Variants in ABR observed in about 807,000 individuals in gnomAD.
ABR encodes the protein active breakpoint cluster region-related protein.
In ABR, 35 loss-of-function variants were observed where a neutral mutation model predicts 107.2. That is an observed-to-expected ratio of 0.33 (90% CI 0.25 to 0.43). ABR has a LOEUF of 0.43. Among genes scored for constraint, ABR ranks in the 20% least tolerant of loss-of-function variants. The pLI, the probability that ABR is intolerant of heterozygous loss-of-function variation, is 1.00. For synonymous variants in ABR, 498 were observed against 462.0 expected, an observed-to-expected ratio of 1.08 and a Z score of -1.00; for missense variants, 815 against 1,115.2, an observed-to-expected ratio of 0.73 and a Z score of 3.83.
intron 1 of ABR, among the ~76,000 whole-genome samples, chr17:1,167,056 C>A (rs1462741666): frequency 3.2e-4 from 49 of 151,976 alleles, no homozygotes; most frequent in Admixed American, 3.2e-3. Context: ...TCCGGACCTG[C>A]CAAATCAAAA....
chr17:1,044,185 G>T (rs1196842614), intron 16 of ABR, among the ~76,000 whole-genome samples: 1 of 123,122 alleles, frequency 8.1e-6, no homozygotes, highest in African/African-American at 2.8e-5. Flanking sequence ...GGGGGCAGGG[G>T]CAAGAGCCGG....
intron 1 of ABR, among the ~76,000 whole-genome samples, chr17:1,164,607 C>T (rs577292006): frequency 3.3e-5 from 5 of 152,214 alleles, no homozygotes; most frequent in South Asian, 2.1e-4. Context: ...TGAACATGAA[C>T]GTCGGGTGAG....
In ABR at chr17:1,054,602, T is replaced by C. The variant is rs1293038707; in HGVS notation, c.1561+1433A>G. 1.3e-3 allele frequency among the ~76,000 whole-genome samples: 49 copies of C among 36,926 alleles called. 8 individuals are homozygous for C. The highest frequency in any genetic ancestry group is 7.2e-3 in the African/African-American group (46 of 6,372). 24.2% of individuals were successfully genotyped at this position (36,926 alleles called of 152,430 possible). On this transcript the variant is annotated intron_variant, in intron 14 of 22. Transcript: ENST00000302538. ...TGGGGGCACAAGGAACCTGAGGGGA[T>C]GGGGGCACAAGGAACCTCAGGGGAT... is the stretch of plus-strand genomic sequence containing the variant.
At chr17:1,149,331 G>T (rs1323390769) in intron 1 of ABR, among the ~76,000 whole-genome samples, 1 of 152,164 alleles carries the variant, frequency 6.6e-6, no homozygotes, top group Non-Finnish European at 1.5e-5. Flanking sequence ...GGCTGAACCA[G>T]GCCTGGAGCC....
intron 16 of ABR, among the ~76,000 whole-genome samples, chr17:1,022,107 A>AG: frequency 7.4e-6 from 1 of 135,944 alleles, no homozygotes. Flanking sequence ...ACTCTGTCTC[A>AG]AAAAAAAAAA....
intron 2 of ABR, among the ~76,000 whole-genome samples, chr17:1,105,648 C>T (rs2038197702): frequency 6.6e-6 from 1 of 152,104 alleles, no homozygotes; most frequent in African/African-American, 2.4e-5. Context: ...CCAAGAGGGG[C>T]AGATTGCTTG....
chr17:1,081,665 C>T (rs1167990150), intron 5 of ABR, among the ~76,000 whole-genome samples: 1 of 152,216 alleles, frequency 6.6e-6, no homozygotes, highest in Non-Finnish European at 1.5e-5. Context: ...CAACCTCCAC[C>T]TCCCGGGTTC....
rs2040678934 is a variant in ABR, at chr17:1,148,997, G to A, written c.62-23630C>T. On this transcript the variant is annotated intron_variant, in intron 1 of 22. Transcript: ENST00000302538. This position sits in a 1 kb window ranked among gnomAD's most constrained non-coding sequence, Gnocchi z 4.9. The stretch of plus-strand genomic sequence containing the variant: ...GCTCACTGCAAGCTCCGCCTCCTGG[G>A]TTCACGCCATTCTCCTGCCTCAGCC... Among the ~76,000 whole-genome samples the A allele has an allele frequency of 6.6e-6, 1 of 150,654 alleles. No homozygotes were observed.
In ABR at chr17:1,051,981, G is replaced by A. The variant is rs2032592332; in HGVS notation, c.1562-1347C>T. ...CCCAGCTACTCGGGAGGCTGAGGCA[G>A]GACAATCGCTTGAACCTGGGGTGTG... On this transcript the variant is annotated intron_variant, in intron 14 of 22. Transcript: ENST00000302538. The surrounding 1 kb of genome is among the most constrained non-coding windows in gnomAD (Gnocchi z 4.3). 6.6e-6 allele frequency among the ~76,000 whole-genome samples: 1 copy of A among 152,088 alleles called. No homozygotes were observed. The highest frequency in any genetic ancestry group is 2.4e-5 in the African/African-American group (1 of 41,412).
upstream of ABR, among the ~76,000 whole-genome samples, chr17:1,180,077 A>G (rs963198943): frequency 1.9e-4 from 26 of 140,326 alleles, no homozygotes; most frequent in South Asian, 2.1e-3. Flanking sequence ...GCGGGGAGGG[A>G]CCAATCGGCT....
At chr17:1,048,291 G>A (rs185465304) in intron 16 of ABR, among the ~76,000 whole-genome samples, 109 of 152,364 alleles carry the variant, frequency 7.2e-4, no homozygotes, top group African/African-American at 2.5e-3. Context: ...AACACGGGGC[G>A]TATGCGGCAG....
At chr17:1,137,023 CTCTCTT>C (rs1363996661) in intron 1 of ABR, among the ~76,000 whole-genome samples, 15 of 116,910 alleles carry the variant, frequency 1.3e-4, no homozygotes, top group African/African-American at 3.0e-4. Flanking sequence ...CTCTCTCTCT[CTCTCTT>C]TCTCTCTTCC....
chr17:1,202,182 C>A (rs1284149054), intron 1 of ABR, among the ~76,000 whole-genome samples: 1 of 152,232 alleles, frequency 6.6e-6, no homozygotes, highest in Non-Finnish European at 1.5e-5. Context: ...GGGGCACCAC[C>A]ATGCCCAGCT....
chr17:1,092,534 C>T lies in ABR; in HGVS notation c.346-684G>A, dbSNP rs940884221. On this transcript the variant is annotated intron_variant, in intron 3 of 22. Coordinates refer to ENST00000302538, the MANE Select transcript of ABR (RefSeq NM_021962.5). This position sits in a 1 kb window ranked among gnomAD's most constrained non-coding sequence, Gnocchi z 4.6. ...ATGCTCCAGGGCCTGCCAGTGTAGA[C>T]GGTGAGGTGGCAGATAACACAGACC... is the stretch of plus-strand genomic sequence containing the variant. Among the ~76,000 whole-genome samples, 9 of 151,848 alleles carry T rather than the reference C, an allele frequency of 5.9e-5. No individual in the cohort carries two copies. The highest frequency in any genetic ancestry group is 3.9e-4 in the East Asian group (2 of 5,160).
chr17:1,009,592 G>A (rs1007031647), intron 21 of ABR, 87 bp downstream of exon 21: 4 of 1,085,046 alleles, frequency 3.7e-6, no homozygotes, highest in East Asian at 2.4e-5. Context: ...CACGAGGAGG[G>A]ACTGAGGAGG....
intron 16 of ABR, among the ~76,000 whole-genome samples, chr17:1,017,121 G>A (rs968632868): frequency 1.3e-5 from 2 of 152,064 alleles, no homozygotes; most frequent in African/African-American, 4.8e-5. Context: ...TGCCCCTCAG[G>A]GAGAACCACT....
At chr17:1,119,470 CGTT>C (rs1211864324) in intron 2 of ABR, among the ~76,000 whole-genome samples, 13 of 89,062 alleles carry the variant, frequency 1.5e-4, no homozygotes, top group African/African-American at 3.7e-4. Context: ...TTCTTCCCAG[CGTT>C]ATCCCTGAGC....
intron 1 of ABR, among the ~76,000 whole-genome samples, chr17:1,224,084 C>T (rs562717831): frequency 6.6e-6 from 1 of 152,296 alleles, no homozygotes; most frequent in South Asian, 2.1e-4. Context: ...TTATTCCCAT[C>T]TGTCAGAGAC....
intron 16 of ABR, among the ~76,000 whole-genome samples, chr17:1,047,634 T>C (rs1382049410): frequency 6.6e-6 from 1 of 152,234 alleles, no homozygotes; most frequent in African/African-American, 2.4e-5. Context: ...AAGGTTTATG[T>C]TTCTTTTAAT....
Sources: allele counts gnomAD v4.1 joint callset (sites outside exome capture counted in the v4.1 genomes callset), GRCh38; gene constraint gnomAD v4.1.1; non-coding constraint Gnocchi (gnomAD v3.1); transcripts MANE v1.5; gene names NCBI Gene and HGNC (gene_info 2026-07-23, HGNC 2026-07-21).